The following CPSF6 variants were observed in gnomAD, a reference collection of about 807,000 sequenced individuals.
The protein encoded by CPSF6 is cleavage and polyadenylation specificity factor subunit 6.
CPSF6 carries 10 observed loss-of-function variants against 56.7 expected under a neutral mutation model. That is an observed-to-expected ratio of 0.18 (90% CI 0.11 to 0.30). The LOEUF is 0.30. Ranked by LOEUF, CPSF6 falls within the 10% of genes least tolerant of loss-of-function variation. The pLI, the probability that CPSF6 is intolerant of heterozygous loss-of-function variation, is 1.00. For missense variants in CPSF6, 419 were observed against 722.9 expected (o/e 0.58, Z 4.82); for synonymous variants, 248 against 244.8 (o/e 1.01, Z -0.12).
At chr12:69,261,186 C>A (rs138082312) in intron 8 of CPSF6, among the ~76,000 whole-genome samples, 93 of 152,090 alleles carry the variant, frequency 6.1e-4, no homozygotes, top group African/African-American at 2.1e-3. Context: ...TGACATGGTC[C>A]CCAGTTTTGT....
Position 69,239,698 on chromosome 12 carries a change from T to C in CPSF6, c.52T>C (p.Phe18Leu). 6.3e-7 allele frequency: 1 copy of C among 1,586,184 alleles called. No homozygotes were observed. Among genetic ancestry groups the C allele is most frequent in the South Asian group, 1.1e-5 (1 of 88,276 alleles). ...CATTTACGCGGATGTCGGCGAAGAGTTCAACCAGGTACGTGAGAGCCCAGG... is the reference window on the plus strand; with the variant it reads ...CATTTACGCGGATGTCGGCGAAGAGCTCAACCAGGTACGTGAGAGCCCAGG... ...IDIYADVGEE[F>L]NQEAEYGGHD... The change falls in exon 1 of 10, where the codon TTC becomes CTC. Residue 18 changes from phenylalanine to leucine, a missense_variant. Around this residue, in one of 4 missense-constraint regions of CPSF6, gnomAD observed 125 missense variants for 216.4 expected, o/e 0.58. Coordinates refer to ENST00000435070, the MANE Select transcript of CPSF6 (RefSeq NM_007007.3).
At chr12:69,254,794 T>G (rs2120534392) in intron 3 of CPSF6, among the ~76,000 whole-genome samples, 1 of 152,320 alleles carries the variant, frequency 6.6e-6, no homozygotes, top group Non-Finnish European at 1.5e-5. Flanking sequence ...AGCTTAAGCT[T>G]CTTAAGCTAC....
Position 69,258,871 on chromosome 12 carries a change from C to T in CPSF6, c.976C>T (p.Arg326Cys), listed in dbSNP as rs1364684513. The T allele has an allele frequency of 1.9e-6, 3 of 1,614,114 alleles. No homozygotes were observed. The highest frequency in any genetic ancestry group is 2.5e-6 in the Non-Finnish European group (3 of 1,180,022). Residue 326 changes from arginine (R) to cysteine (C), a missense_variant, in exon 6 of 10, where the codon CGT (arginine) becomes TGT (cysteine). This residue lies in a region of CPSF6 where 211 missense variants were observed against 296.0 expected (regional missense o/e 0.71). Coordinates refer to ENST00000435070, the MANE Select transcript of CPSF6 (RefSeq NM_007007.3). The surrounding 1 kb of genome is among the most constrained non-coding windows in gnomAD (Gnocchi z 4.2). ...TCCACCTCCAGGCCCCTTTCCACCT[C>T]GTCCACCCGGTCCACTTGGGCCACC... The part of the protein sequence containing the change: ...PPPPPGPFPP[R>C]PPGPLGPPLT...
chr12:69,247,311 C>T (rs1185603713), intron 1 of CPSF6, among the ~76,000 whole-genome samples: 2 of 151,108 alleles, frequency 1.3e-5, no homozygotes, highest in African/African-American at 4.9e-5. Context: ...GAGAGAATAC[C>T]TTGTCTAAAG....
intron 9 of CPSF6, among the ~76,000 whole-genome samples, chr12:69,269,093 T>G (rs888813171): frequency 2.6e-5 from 4 of 151,946 alleles, no homozygotes; most frequent in Non-Finnish European, 4.4e-5. Context: ...GTTCAGCATT[T>G]AATTGTTAAA....
intron 8 of CPSF6, among the ~76,000 whole-genome samples, chr12:69,261,655 T>TA (rs767769985): frequency 1.3e-5 from 2 of 151,810 alleles, no homozygotes; most frequent in African/African-American, 2.4e-5. Context: ...GGTGCAGAAA[T>TA]ACAAGACATA....
Position 69,261,016 on chromosome 12 carries a change from A to G in CPSF6, c.1469+819A>G, listed in dbSNP as rs182726116. On this transcript the variant is annotated intron_variant, in intron 8 of 9. Coordinates refer to ENST00000435070, the MANE Select transcript of CPSF6 (RefSeq NM_007007.3). ...GAGTGACTGAATGAATGAATGATCT[A>G]TCTTTTAGGTAGTTCCTTTTTTTTT... Among the ~76,000 whole-genome samples, 5 of 152,252 alleles carry G rather than the reference A, an allele frequency of 3.3e-5. No homozygotes were observed. The East Asian group carries it at 7.7e-4, about 24-fold the overall frequency.
At chr12:69,242,652 C>G (rs1000088484) in intron 1 of CPSF6, among the ~76,000 whole-genome samples, 5 of 152,126 alleles carry the variant, frequency 3.3e-5, no homozygotes, top group Admixed American at 3.3e-4. Flanking sequence ...TGAACATCTT[C>G]CAAACCTCTC....
In CPSF6 at chr12:69,258,940, G is replaced by A. The variant is rs939234076; in HGVS notation, c.1045G>A (p.Gly349Ser). The A allele has an allele frequency of 6.2e-7, 1 of 1,614,084 alleles. No individual in the cohort carries two copies. Among genetic ancestry groups the A allele is most frequent in the Non-Finnish European group, 8.5e-7 (1 of 1,180,036 alleles). The change falls in exon 6 of 10, where the codon GGT becomes AGT. Residue 349 changes from glycine (G) to serine (S), a missense_variant. Coordinates refer to ENST00000435070, the MANE Select transcript of CPSF6 (RefSeq NM_007007.3). This position sits in a 1 kb window ranked among gnomAD's most constrained non-coding sequence, Gnocchi z 4.2. ...PPPHLPGPPP[G>S]APPPAPHVNP... ...TCCGCATCTTCCTGGACCACCTCCAGGTGCCCCACCGCCAGCTCCGCATGT... is the reference window on the plus strand; with the variant it reads ...TCCGCATCTTCCTGGACCACCTCCAAGTGCCCCACCGCCAGCTCCGCATGT...
chr12:69,256,552 C>G, intron 3 of CPSF6, 145 bp from the exon 4 acceptor site: 3 of 750,078 alleles, frequency 4.0e-6, no homozygotes, highest in Admixed American at 3.2e-5. Context: ...CCTCAACCTT[C>G]TAAGCAGCTG....
chr12:69,255,754 G>T (rs748167894), intron 3 of CPSF6, among the ~76,000 whole-genome samples: 1 of 152,126 alleles, frequency 6.6e-6, no homozygotes, highest in Non-Finnish European at 1.5e-5. Flanking sequence ...GGTCAGGCTG[G>T]TCTTGAACTC....
At chr12:69,263,582 A>G (rs1383860616) in intron 9 of CPSF6, among the ~76,000 whole-genome samples, 1 of 152,038 alleles carries the variant, frequency 6.6e-6, no homozygotes, top group Non-Finnish European at 1.5e-5. Flanking sequence ...TCATAGGTAA[A>G]TACTCTTTAT....
At position 69,273,187 on chromosome 12, in the gene CPSF6, T is replaced by G. The variant is rs1565654417; in HGVS notation, c.*3679T>G. On this transcript the variant is annotated 3_prime_UTR_variant, in exon 10 of 10. Transcript: ENST00000435070. ...TTCTTATACTCTTCTTTCTTGGCAT[T>G]AGAAAGAAGCAATATGAATTTTTGT... 1.9e-6 allele frequency: 1 copy of G among 517,334 alleles called. No individual in the cohort carries two copies. Among genetic ancestry groups the G allele is most frequent in the Admixed American group, 2.1e-5 (1 of 48,328 alleles). 32.0% of individuals were successfully genotyped at this position (517,334 alleles called of 1,614,324 possible). A position where few individuals can be genotyped will look rare whatever the true frequency, so the allele number is the denominator to read the frequency against.
intron 1 of CPSF6, among the ~76,000 whole-genome samples, chr12:69,245,818 G>C (rs924758763): frequency 6.6e-6 from 1 of 152,178 alleles, no homozygotes; most frequent in African/African-American, 2.4e-5. Flanking sequence ...AGGTGCGGTG[G>C]CTCATGCCTA....
chr12:69,266,054 A>T (rs1033823564), intron 9 of CPSF6, among the ~76,000 whole-genome samples: 1 of 149,310 alleles, frequency 6.7e-6, no homozygotes, highest in East Asian at 1.9e-4. Flanking sequence ...CCAAAAGAAT[A>T]AAAAAAATTC....
intron 9 of CPSF6, among the ~76,000 whole-genome samples, chr12:69,263,120 A>G (rs1872821381): frequency 6.6e-6 from 1 of 151,794 alleles, no homozygotes; most frequent in South Asian, 2.1e-4. Context: ...AAGAGACACT[A>G]TCCTGACATC....
At chr12:69,264,535 C>G (rs1435830017) in intron 9 of CPSF6, among the ~76,000 whole-genome samples, 1 of 152,090 alleles carries the variant, frequency 6.6e-6, no homozygotes. Flanking sequence ...CTACAAATTC[C>G]TAATGTGCAA....
intron 1 of CPSF6, among the ~76,000 whole-genome samples, chr12:69,245,546 T>C (rs112637142): frequency 2.8e-4 from 42 of 152,348 alleles, no homozygotes; most frequent in African/African-American, 9.4e-4. Context: ...ACTATAATTA[T>C]AGCACACTGA....
At chr12:69,256,644 A>G in intron 3 of CPSF6, 53 bp from the exon 4 acceptor site, 2 of 1,523,538 alleles carry the variant, frequency 1.3e-6, no homozygotes, top group Admixed American at 2.0e-5. Flanking sequence ...GAATAACAGT[A>G]ATAATATTGA....
Sources: allele counts gnomAD v4.1 joint callset (sites outside exome capture counted in the v4.1 genomes callset), GRCh38; gene constraint gnomAD v4.1.1; regional missense constraint gnomAD v4.1.1; non-coding constraint Gnocchi (gnomAD v3.1); transcripts MANE v1.5; gene names NCBI Gene and HGNC (gene_info 2026-07-23, HGNC 2026-07-21).